ZNF277: variants seen among roughly 807,000 people sequenced by gnomAD.
ZNF277 encodes the protein nuclear receptor-interacting factor 4.
ZNF277 carries 55 observed loss-of-function variants against 60.7 expected under a neutral mutation model. The observed-to-expected ratio is 0.91, with a 90% CI of 0.73 to 1.13. ZNF277 has a LOEUF of 1.13. Ranked by LOEUF, ZNF277 falls within the 50% of genes most tolerant of loss-of-function variation. The pLI, the probability that ZNF277 is intolerant of heterozygous loss-of-function variation, is 0.00. For synonymous variants in ZNF277, 178 were observed against 179.3 expected (o/e 0.99, Z 0.06); for missense variants, 510 against 523.0 (o/e 0.98, Z 0.24).
At chr7:112,253,438 A>C (rs555090585) in intron 1 of ZNF277, among the ~76,000 whole-genome samples, 5 of 152,152 alleles carry the variant, frequency 3.3e-5, no homozygotes, top group African/African-American at 1.2e-4. Context: ...TTGCTACCCA[A>C]CCTGTTGAAA....
intron 1 of ZNF277, among the ~76,000 whole-genome samples, chr7:112,241,687 T>C (rs985246116): frequency 1.3e-5 from 2 of 152,050 alleles, no homozygotes; most frequent in African/African-American, 4.8e-5. Flanking sequence ...AAGAATGAGA[T>C]CCTGTCATTT....
chr7:112,312,129 T>C (rs189278179), intron 4 of ZNF277, among the ~76,000 whole-genome samples: 111 of 152,244 alleles, frequency 7.3e-4, no homozygotes, highest in Admixed American at 7.2e-3. Context: ...TCTGGTAGAC[T>C]ACATTTTGAG....
At chr7:112,312,038 A>T (rs532112065) in intron 4 of ZNF277, among the ~76,000 whole-genome samples, 1 of 152,236 alleles carries the variant, frequency 6.6e-6, no homozygotes, top group African/African-American at 2.4e-5. Flanking sequence ...TCCATTCAAC[A>T]GTTATTGTGC....
At chr7:112,208,584 ATTC>A (rs199728137) in intron 1 of ZNF277, among the ~76,000 whole-genome samples, 16,926 of 144,040 alleles carry the variant, frequency 0.12, 1,136 homozygotes, top group East Asian at 0.16. Context: ...TTTCCAACAT[ATTC>A]TTCTTCTTCT....
chr7:112,225,728 G>A (rs997041543), intron 1 of ZNF277, among the ~76,000 whole-genome samples: 3 of 152,068 alleles, frequency 2.0e-5, no homozygotes, highest in Admixed American at 1.3e-4. Context: ...TTCATTTCAC[G>A]CTTTTAAGAT....
At chr7:112,226,662 A>G (rs1822184100) in intron 1 of ZNF277, among the ~76,000 whole-genome samples, 1 of 152,212 alleles carries the variant, frequency 6.6e-6, no homozygotes, top group African/African-American at 2.4e-5. Flanking sequence ...ATTTAAGGTT[A>G]TGAAAATTTA....
chr7:112,327,594 G>A (rs1584414169), intron 5 of ZNF277, 123 bp from the exon 6 acceptor site: 2 of 679,358 alleles, frequency 2.9e-6, no homozygotes, highest in South Asian at 3.4e-5. Context: ...TGAAATCTTT[G>A]TGTTAGTGCT....
chr7:112,334,402 CTTT>C (rs534868007), intron 7 of ZNF277, among the ~76,000 whole-genome samples: 6 of 121,140 alleles, frequency 5.0e-5, no homozygotes, highest in African/African-American at 6.0e-5. Context: ...GAGTTATGTG[CTTT>C]TTTTTTTTTT....
Position 112,286,841 on chromosome 7 carries a change from C to CTTTTTTTTTTTTT in ZNF277, c.92-25_92-13dup, listed in dbSNP as rs10710470. 3.1e-4 allele frequency: 291 copies of CTTTTTTTTTTTTT among 952,258 alleles called. 12 individuals carry two copies. The highest frequency in any genetic ancestry group is 1.4e-3 in the African/African-American group (49 of 35,754). The allele number at this position is 952,258 out of a possible 1,614,324, so 59.0% of individuals were successfully genotyped here. ...AGTTGGTTTCAGCTTTTCTTTCTTT[C>CTTTTTTTTTTTTT]TTTTTTTTTTTTTTTTTTTGGTCTA... On this transcript the variant is annotated intron_variant, in intron 1 of 11. Transcript: ENST00000361822.
chr7:112,292,599 C>T (rs1792234418), intron 2 of ZNF277, among the ~76,000 whole-genome samples: 1 of 152,102 alleles, frequency 6.6e-6, no homozygotes, highest in African/African-American at 2.4e-5. Flanking sequence ...CCCTTTTCTG[C>T]ATTTCTTGTA....
At chr7:112,240,498 C>T (rs948416287) in intron 1 of ZNF277, among the ~76,000 whole-genome samples, 1 of 152,134 alleles carries the variant, frequency 6.6e-6, no homozygotes, top group African/African-American at 2.4e-5. Context: ...CACCATTACA[C>T]ATTGCATGCC....
At chr7:112,248,382 C>G (rs1441440224) in intron 1 of ZNF277, among the ~76,000 whole-genome samples, 2 of 149,124 alleles carry the variant, frequency 1.3e-5, no homozygotes, top group Admixed American at 6.7e-5. Flanking sequence ...GCATTAAAAT[C>G]TCAGGAAGCT....
intron 4 of ZNF277, among the ~76,000 whole-genome samples, chr7:112,316,256 A>G (rs1792840669): frequency 6.6e-6 from 1 of 152,100 alleles, no homozygotes; most frequent in Non-Finnish European, 1.5e-5. Context: ...AATGGGGAAC[A>G]CTGGAAAAAT....
chr7:112,224,133 A>G (rs966103345), intron 1 of ZNF277, among the ~76,000 whole-genome samples: 3 of 152,210 alleles, frequency 2.0e-5, no homozygotes, highest in Non-Finnish European at 4.4e-5. Context: ...ATTAAAGAAA[A>G]ACTAGAGCTG....
chr7:112,320,702 G>A (rs1026845384), intron 5 of ZNF277, among the ~76,000 whole-genome samples: 16 of 151,824 alleles, frequency 1.1e-4, no homozygotes, highest in African/African-American at 3.9e-4. Context: ...TATACAGTTG[G>A]ATCATTTTTT....
intron 1 of ZNF277, among the ~76,000 whole-genome samples, chr7:112,285,398 TA>T (rs1207621192): frequency 6.7e-6 from 1 of 148,720 alleles, no homozygotes; most frequent in Non-Finnish European, 1.5e-5. Context: ...AGAATGCCTT[TA>T]AAAAGAAGAT....
At chr7:112,268,247 TGCACACACAC>T (rs1489507387) in intron 1 of ZNF277, among the ~76,000 whole-genome samples, 1 of 151,314 alleles carries the variant, frequency 6.6e-6, no homozygotes, top group Admixed American at 6.6e-5. Flanking sequence ...TATGCCTGCA[TGCACACACAC>T]GCACACACAA....
chr7:112,287,681 C>G (rs1049143920), intron 2 of ZNF277: 1 of 152,016 alleles, frequency 6.6e-6, no homozygotes, highest in African/African-American at 2.4e-5. Flanking sequence ...CACCTGCCAC[C>G]ACGCCCAGCT....
intron 5 of ZNF277, among the ~76,000 whole-genome samples, chr7:112,321,503 A>G (rs887750803): frequency 3.9e-5 from 6 of 152,148 alleles, no homozygotes; most frequent in African/African-American, 1.4e-4. Flanking sequence ...GAAAAGGGTC[A>G]TAAAAATGCG....
Sources: allele counts gnomAD v4.1 joint callset (sites outside exome capture counted in the v4.1 genomes callset), GRCh38; gene constraint gnomAD v4.1.1; transcripts MANE v1.5; gene names NCBI Gene and HGNC (gene_info 2026-07-23, HGNC 2026-07-21).